The following POU6F2 variants were observed in gnomAD, a reference collection of about 807,000 sequenced individuals.
POU6F2 encodes POU class 6 homeobox 2.
POU6F2 carries 31 observed loss-of-function variants against 71.3 expected under a neutral mutation model. The ratio of observed to expected loss-of-function variants is 0.43; its 90% CI spans 0.33 to 0.59. The LOEUF (loss-of-function observed/expected upper bound fraction) is 0.59, where lower values mean the gene tolerates loss of function less well. POU6F2 is among the 20% of genes least tolerant of loss of function. POU6F2 has a pLI of 0.04. For missense variants in POU6F2, 783 were observed against 856.8 expected (o/e 0.91, Z 1.07); for synonymous variants, 347 against 355.7 (o/e 0.98, Z 0.27).
chr7:39,017,508 C>T (rs144636101), intron 1 of POU6F2, among the ~76,000 whole-genome samples: 1,658 of 152,232 alleles, frequency 0.011, 16 homozygotes, highest in Non-Finnish European at 0.017. Flanking sequence ...TAACCTAAAG[C>T]AGATTACTGT....
chr7:39,210,674 T>G (rs1317393625), intron 4 of POU6F2, among the ~76,000 whole-genome samples: 76 of 151,986 alleles, frequency 5.0e-4, no homozygotes, highest in Non-Finnish European at 1.5e-5. Flanking sequence ...TAAAACATGG[T>G]CCCCAGACCA....
intron 1 of POU6F2, among the ~76,000 whole-genome samples, chr7:39,017,744 T>C (rs1454726297): frequency 6.6e-6 from 1 of 152,054 alleles, no homozygotes; most frequent in Non-Finnish European, 1.5e-5. Context: ...TCTAACCCAA[T>C]TATTTGCATG....
At chr7:39,454,709 TATATATATATATATATATAA>T (rs1788755252) in intron 8 of POU6F2, among the ~76,000 whole-genome samples, 3 of 69,802 alleles carry the variant, frequency 4.3e-5, no homozygotes, top group South Asian at 9.5e-4. Flanking sequence ...TATATATATA[TATATATATATATATATATAA>T]AATAAGATAT....
intron 2 of POU6F2, among the ~76,000 whole-genome samples, chr7:39,172,794 T>A (rs1315467489): frequency 1.3e-5 from 2 of 152,038 alleles, no homozygotes; most frequent in Non-Finnish European, 2.9e-5. Context: ...CTAATTTTTG[T>A]ATTATTTGTA....
intron 2 of POU6F2, among the ~76,000 whole-genome samples, chr7:39,103,376 G>A (rs1791615439): frequency 6.6e-6 from 1 of 152,204 alleles, no homozygotes; most frequent in East Asian, 1.9e-4. Flanking sequence ...ATTGGAGGGA[G>A]ATGGAGTCTT....
At chr7:39,375,234 T>C (rs934081719) in intron 5 of POU6F2, among the ~76,000 whole-genome samples, 2 of 152,204 alleles carry the variant, frequency 1.3e-5, no homozygotes, top group African/African-American at 4.8e-5. Context: ...TGTTGCACCA[T>C]ATGACCCGGG....
intron 2 of POU6F2, among the ~76,000 whole-genome samples, chr7:39,138,150 C>A (rs1792423096): frequency 6.6e-6 from 1 of 152,136 alleles, no homozygotes. Flanking sequence ...CCTTTATAAA[C>A]CTCTGTTTCC....
At chr7:39,445,381 A>G (rs1788500480) in intron 7 of POU6F2, among the ~76,000 whole-genome samples, 1 of 152,182 alleles carries the variant, frequency 6.6e-6, no homozygotes, top group Non-Finnish European at 1.5e-5. Flanking sequence ...ATGTATCTGG[A>G]TAGCTAACTT....
chr7:39,297,196 TACACACACACACACACACAC>T (rs61192418), intron 4 of POU6F2, among the ~76,000 whole-genome samples: 2 of 139,024 alleles, frequency 1.4e-5, no homozygotes, highest in African/African-American at 5.3e-5. Context: ...CACATACACA[TACACACACACACACACACAC>T]ACACACACAC....
intron 6 of POU6F2, among the ~76,000 whole-genome samples, chr7:39,423,234 A>C (rs1416196227): frequency 6.6e-6 from 1 of 152,182 alleles, no homozygotes; most frequent in East Asian, 1.9e-4. Context: ...TTTCAGTTTT[A>C]TGTAAATTGC....
At chr7:39,127,718 A>T (rs1584556241) in intron 2 of POU6F2, among the ~76,000 whole-genome samples, 1 of 151,982 alleles carries the variant, frequency 6.6e-6, no homozygotes, top group Non-Finnish European at 1.5e-5. Context: ...AGATGTGGGG[A>T]AAGTTTGTTT....
chr7:39,097,013 A>G (rs1483684012), intron 2 of POU6F2, among the ~76,000 whole-genome samples: 3 of 152,214 alleles, frequency 2.0e-5, no homozygotes, highest in Non-Finnish European at 2.9e-5. Flanking sequence ...TCTTTAATAT[A>G]TAGATAAAAA....
chr7:39,041,723 G>C (rs191861752), intron 1 of POU6F2, among the ~76,000 whole-genome samples: 17 of 151,660 alleles, frequency 1.1e-4, no homozygotes, highest in African/African-American at 4.1e-4. Context: ...TGTCTTATAA[G>C]AGATAAAATT....
rs1791761429 is a variant in POU6F2, at chr7:39,109,512, AC to A, written c.277+23484del. On this transcript the variant is annotated intron_variant, in intron 2 of 9. Transcript: ENST00000518318. Reference sequence around the variant, plus strand: ...GCCTGATGAGTGGTAGCATAATGTGACCCTGCATCCAATGAGGCATCCTTCC... The same window carrying A: ...GCCTGATGAGTGGTAGCATAATGTGACCTGCATCCAATGAGGCATCCTTCC... Among the ~76,000 whole-genome samples, 6 of 152,170 alleles carry A rather than the reference AC, an allele frequency of 3.9e-5. No homozygotes were observed. The South Asian group carries it at 1.2e-3, about 32-fold the overall frequency.
At chr7:39,187,549 C>T (rs147496230) in intron 2 of POU6F2, among the ~76,000 whole-genome samples, 7 of 152,188 alleles carry the variant, frequency 4.6e-5, no homozygotes, top group Non-Finnish European at 8.8e-5. Flanking sequence ...CACCGAGGGC[C>T]GCTGAAGGGG....
Position 39,184,443 on chromosome 7 carries a change from G to C in POU6F2, c.278-19792G>C, listed in dbSNP as rs925054220. ...AAACCTCTTCCCTATTTCAGAGGTG[G>C]TATATGCCTAAATTTACGCCCAGCA... On this transcript the variant is annotated intron_variant, in intron 2 of 9. Coordinates refer to ENST00000518318, the MANE Select transcript of POU6F2 (RefSeq NM_001370959.1). 2.6e-5 allele frequency among the ~76,000 whole-genome samples: 4 copies of C among 152,158 alleles called. No individual in the cohort carries two copies. In the South Asian group the frequency reaches 8.3e-4, roughly 32 times the overall value.
intron 2 of POU6F2, among the ~76,000 whole-genome samples, chr7:39,144,495 A>C (rs1562722177): frequency 6.6e-6 from 1 of 152,164 alleles, no homozygotes; most frequent in African/African-American, 2.4e-5. Flanking sequence ...CACAATTTTC[A>C]TTCTCTATTA....
intron 2 of POU6F2, among the ~76,000 whole-genome samples, chr7:39,106,071 C>G (rs541155962): frequency 1.3e-5 from 2 of 152,294 alleles, no homozygotes; most frequent in Admixed American, 1.3e-4. Context: ...AAAGCTCTTC[C>G]TTAAATCCCA....
At chr7:39,107,039 C>CTTTTTTTTTTTTT (rs70977458) in intron 2 of POU6F2, among the ~76,000 whole-genome samples, 36 of 130,892 alleles carry the variant, frequency 2.8e-4, no homozygotes, top group Non-Finnish European at 4.1e-4. Flanking sequence ...TTCTTTCTTT[C>CTTTTTTTTTTTTT]TTTTTTTTTT....
Sources: allele counts gnomAD v4.1 joint callset (sites outside exome capture counted in the v4.1 genomes callset), GRCh38; gene constraint gnomAD v4.1.1; transcripts MANE v1.5; gene names NCBI Gene and HGNC (gene_info 2026-07-23, HGNC 2026-07-21).